SFMBT2: variants seen among roughly 807,000 people sequenced by gnomAD.
The protein encoded by SFMBT2 is scm-like with four MBT domains protein 2.
In SFMBT2, 38 loss-of-function variants were observed where a neutral mutation model predicts 110.1. The ratio of observed to expected loss-of-function variants is 0.35; its 90% CI spans 0.27 to 0.45. The LOEUF (loss-of-function observed/expected upper bound fraction) is 0.45, where lower values mean the gene tolerates loss of function less well. Among genes scored for constraint, SFMBT2 ranks in the 20% least tolerant of loss-of-function variants. The pLI is 1.00. For synonymous variants in SFMBT2, 425 were observed against 425.4 expected (o/e 1.00, Z 0.01); for missense variants, 1,011 against 1,094.9 (o/e 0.92, Z 1.08).
chr10:7,323,600 T>C (rs1009627803), intron 4 of SFMBT2, among the ~76,000 whole-genome samples: 1 of 151,986 alleles, frequency 6.6e-6, no homozygotes, highest in African/African-American at 2.4e-5. Flanking sequence ...CAATCTGAAG[T>C]ATGTTGAAAT....
At chr10:7,205,173 C>A in intron 12 of SFMBT2, 2 of 201,490 alleles carry the variant, frequency 9.9e-6, no homozygotes, top group South Asian at 1.8e-4. Context: ...GCGTTGACCT[C>A]CCGGGCTCAG....
At chr10:7,176,637 T>A (rs1287191160) in intron 16 of SFMBT2, 4 of 374,836 alleles carry the variant, frequency 1.1e-5, no homozygotes, top group Non-Finnish European at 1.5e-5. Context: ...AGACTGTGTA[T>A]CATATTGTTG....
intron 9 of SFMBT2, among the ~76,000 whole-genome samples, chr10:7,240,314 G>C (rs1299472730): frequency 1.3e-5 from 2 of 152,068 alleles, no homozygotes; most frequent in African/African-American, 4.8e-5. Context: ...GTGTATCTTG[G>C]ACAGCCTTCC....
chr10:7,168,107 A>G (rs1305678874), intron 20 of SFMBT2, among the ~76,000 whole-genome samples: 2 of 152,076 alleles, frequency 1.3e-5, no homozygotes, highest in Non-Finnish European at 2.9e-5. Context: ...CAAGGGGGAC[A>G]GTGTCGGCAG....
intron 4 of SFMBT2, among the ~76,000 whole-genome samples, chr10:7,334,589 T>C (rs1020371479): frequency 1.3e-5 from 2 of 152,192 alleles, no homozygotes; most frequent in East Asian, 1.9e-4. Context: ...ATAAGTGAGC[T>C]GCTCATTAAA....
At chr10:7,321,932 T>C (rs1017630769) in intron 4 of SFMBT2, among the ~76,000 whole-genome samples, 2 of 152,246 alleles carry the variant, frequency 1.3e-5, no homozygotes, top group African/African-American at 4.8e-5. Context: ...CAAAATTCCA[T>C]TGGAGGTTTT....
At chr10:7,210,754 GA>G (rs1839320002) in intron 11 of SFMBT2, among the ~76,000 whole-genome samples, 1 of 152,208 alleles carries the variant, frequency 6.6e-6, no homozygotes, top group East Asian at 1.9e-4. Flanking sequence ...TGCCTATCAA[GA>G]AGCCCAGCGC....
Position 7,227,914 on chromosome 10 carries a change from A to C in SFMBT2, c.1144T>G (p.Trp382Gly), listed in dbSNP as rs776747835. The C allele has an allele frequency of 3.1e-6, 5 of 1,603,410 alleles. No homozygotes were observed. The highest frequency in any genetic ancestry group is 4.3e-6 in the Non-Finnish European group (5 of 1,176,468). The change falls in exon 10 of 21, where the codon TGG (tryptophan) becomes GGG (glycine). Residue 382 changes from tryptophan (W) to glycine (G), a missense_variant. This residue lies in a region of SFMBT2 where 979 missense variants were observed against 1,016.1 expected (regional missense o/e 0.96). Coordinates refer to ENST00000397167, the MANE Select transcript of SFMBT2 (RefSeq NM_001387889.1). ...PKGYSGQDFD[W>G]ADYHKQHGAQ... ...CCATGCTGCTTGTGATAATCTGCCC[A>C]GTCGAAGTCCTGGCCAGAGTAACCT...
At chr10:7,372,188 G>A (rs1181552230) in intron 2 of SFMBT2, among the ~76,000 whole-genome samples, 2 of 152,104 alleles carry the variant, frequency 1.3e-5, no homozygotes. Context: ...AAAGTGCTGG[G>A]ATTACAGGCG....
intron 7 of SFMBT2, among the ~76,000 whole-genome samples, chr10:7,272,997 A>T (rs10905138): frequency 6.6e-6 from 1 of 151,858 alleles, no homozygotes; most frequent in Non-Finnish European, 1.5e-5. Flanking sequence ...GTTTTATCAT[A>T]TTGGCCAGGC....
intron 4 of SFMBT2, among the ~76,000 whole-genome samples, chr10:7,308,764 C>G (rs1011270413): frequency 5.9e-5 from 9 of 152,158 alleles, no homozygotes; most frequent in Non-Finnish European, 1.3e-4. Flanking sequence ...CCCACTTTTA[C>G]ATTATGCAGA....
chr10:7,240,338 G>A (rs1238569209), intron 9 of SFMBT2, among the ~76,000 whole-genome samples: 1 of 152,126 alleles, frequency 6.6e-6, no homozygotes, highest in Admixed American at 6.6e-5. Flanking sequence ...TCAGTTCATA[G>A]AGACGTCCCT....
intron 6 of SFMBT2, among the ~76,000 whole-genome samples, chr10:7,283,419 A>C (rs1462470505): frequency 2.6e-5 from 4 of 152,170 alleles, no homozygotes; most frequent in Admixed American, 2.6e-4. Flanking sequence ...GGATGAATGG[A>C]TGGTCAGATA....
At chr10:7,287,608 T>A (rs1036182097) in intron 4 of SFMBT2, among the ~76,000 whole-genome samples, 4 of 152,132 alleles carry the variant, frequency 2.6e-5, no homozygotes, top group Non-Finnish European at 4.4e-5. Context: ...TAGCCCCAGA[T>A]GAACCACCCA....
At position 7,310,510 on chromosome 10, in the gene SFMBT2, T is replaced by A. The variant is rs1371124193; in HGVS notation, c.437-24556A>T. On this transcript the variant is annotated intron_variant, in intron 4 of 20. Coordinates refer to ENST00000397167, the MANE Select transcript of SFMBT2 (RefSeq NM_001387889.1). Reference sequence around the variant, plus strand: ...ACATCTAAACATTTTAATACAGTAGTCCATTCTCTATCTGTTCTAATGAGG... The same window carrying A: ...ACATCTAAACATTTTAATACAGTAGACCATTCTCTATCTGTTCTAATGAGG... Among the ~76,000 whole-genome samples, 3 of 152,176 alleles carry A rather than the reference T, an allele frequency of 2.0e-5. No homozygotes were observed. The East Asian group carries it at 5.8e-4, about 29-fold the overall frequency.
At chr10:7,249,289 T>A (rs1257892404) in intron 7 of SFMBT2, among the ~76,000 whole-genome samples, 1 of 152,212 alleles carries the variant, frequency 6.6e-6, no homozygotes, top group East Asian at 1.9e-4. Flanking sequence ...GGCAGTTTTA[T>A]AACCTGCTTA....
At chr10:7,304,257 C>T (rs1225479178) in intron 4 of SFMBT2, among the ~76,000 whole-genome samples, 1 of 152,110 alleles carries the variant, frequency 6.6e-6, no homozygotes, top group Non-Finnish European at 1.5e-5. Flanking sequence ...TAAGTCTCAC[C>T]AGATCTGATG....
intron 4 of SFMBT2, among the ~76,000 whole-genome samples, chr10:7,349,308 T>C (rs1333684136): frequency 6.6e-6 from 1 of 151,974 alleles, no homozygotes; most frequent in Non-Finnish European, 1.5e-5. Flanking sequence ...AGGAATTTCA[T>C]CCCAACACAG....
At chr10:7,237,251 A>G (rs1840286188) in intron 9 of SFMBT2, among the ~76,000 whole-genome samples, 1 of 152,234 alleles carries the variant, frequency 6.6e-6, no homozygotes, top group African/African-American at 2.4e-5. Flanking sequence ...ATCACTTGCA[A>G]TAGGGAAACC....
Sources: gnomAD v4.1 joint callset for allele counts (sites outside exome capture counted in the v4.1 genomes callset) on GRCh38, gnomAD v4.1.1 for gene constraint, gnomAD v4.1.1 regional missense constraint, MANE v1.5 for transcripts, NCBI Gene and HGNC (gene_info 2026-07-23, HGNC 2026-07-21) for gene names.